The following FAAH2 variants were observed in gnomAD, a reference collection of about 807,000 sequenced individuals.
The protein encoded by FAAH2 is fatty acid amide hydrolase 2, also known as fatty-acid amide hydrolase 2.
In FAAH2, 60 loss-of-function variants were observed where a neutral mutation model predicts 36.9. The observed-to-expected ratio is 1.63, with a 90% CI of 1.32 to 2.02. The LOEUF (loss-of-function observed/expected upper bound fraction) is 2.02, where lower values mean the gene tolerates loss of function less well. Ranked by LOEUF, FAAH2 falls within the 30% of genes most tolerant of loss-of-function variation. The pLI is 0.00. For missense variants in FAAH2, 689 were observed against 397.5 expected, an observed-to-expected ratio of 1.73 and a Z score of -6.23; for synonymous variants, 214 against 143.8, an observed-to-expected ratio of 1.49 and a Z score of -3.49.
intron 10 of FAAH2, among the ~76,000 whole-genome samples, chrX:57,483,217 T>G (rs933530830): frequency 4.5e-5 from 5 of 111,626 alleles, no homozygotes; most frequent in Middle Eastern, 4.7e-3. Flanking sequence ...TTAAAATTAT[T>G]TTTTTCTTTA....
At chrX:57,319,185 A>T (rs949177128) in intron 3 of FAAH2, among the ~76,000 whole-genome samples, 9 of 111,809 alleles carry the variant, frequency 8.0e-5, no homozygotes, top group Non-Finnish European at 1.7e-4. Flanking sequence ...ATCAGGCAAG[A>T]GAAAGAAATA....
intron 8 of FAAH2, among the ~76,000 whole-genome samples, chrX:57,438,808 G>T (rs1403680918): frequency 2.1e-5 from 2 of 95,420 alleles, no homozygotes; most frequent in African/African-American, 7.7e-5. Context: ...GTGTCCATGT[G>T]TTCTCATTGT....
At chrX:57,223,594 C>T in the FAAH2 span, among the ~76,000 whole-genome samples, 15 of 111,189 alleles carry the variant, frequency 1.3e-4, no homozygotes, top group Non-Finnish European at 2.8e-4. Context: ...TCCTTCCAGC[C>T]ACCTTTTCCT....
In FAAH2 at chrX:57,286,852, T is replaced by C; in HGVS notation, c.27T>C (p.Ile9=). ...TGGCACCTTCATTTACCGCCCGCAT[T>C]CAGTTGTTCCTCTTGCGGGCGCTAG... MAPSFTAR[I]QLFLLRALGF... is the part of the protein sequence containing the mutation. Residue 9 remains isoleucine (I), a synonymous_variant, in exon 1 of 11, where the codon ATT becomes ATC. Transcript: ENST00000374900. The C allele has an allele frequency of 1.7e-6, 2 of 1,189,139 alleles. No individual in the cohort carries two copies. The highest frequency in any genetic ancestry group is 4.5e-5 in the Admixed American group (2 of 44,249).
At chrX:57,412,972 C>T (rs1233092628) in intron 7 of FAAH2, among the ~76,000 whole-genome samples, 1 of 112,281 alleles carries the variant, frequency 8.9e-6, no homozygotes, top group Non-Finnish European at 1.9e-5. Context: ...CTGTAATGAC[C>T]AGTAATGACG....
At chrX:57,216,180 A>G in the FAAH2 span, among the ~76,000 whole-genome samples, 1 of 106,563 alleles carries the variant, frequency 9.4e-6, no homozygotes, top group South Asian at 4.2e-4. Flanking sequence ...TACATGAGTA[A>G]GTCATTTAGT....
At chrX:57,321,709 A>T (rs2053031339) in intron 3 of FAAH2, among the ~76,000 whole-genome samples, 2 of 109,861 alleles carry the variant, frequency 1.8e-5, no homozygotes, top group Non-Finnish European at 3.8e-5. Flanking sequence ...CTGGCTTGCC[A>T]CTCTGTGCCT....
At chrX:57,225,587 G>A in the FAAH2 span, among the ~76,000 whole-genome samples, 1 of 111,635 alleles carries the variant, frequency 9.0e-6, no homozygotes, top group Non-Finnish European at 1.9e-5. Flanking sequence ...GAAGTTCCAT[G>A]CACTGTTGAA....
At chrX:57,328,999 T>TC (rs1382182945) in intron 3 of FAAH2, among the ~76,000 whole-genome samples, 2 of 111,584 alleles carry the variant, frequency 1.8e-5, no homozygotes, top group Admixed American at 1.9e-4. Flanking sequence ...AATACTTCAA[T>TC]GGGTAAGTGC....
At chrX:57,339,662 C>A (rs1485395098) in intron 4 of FAAH2, among the ~76,000 whole-genome samples, 1 of 112,390 alleles carries the variant, frequency 8.9e-6, no homozygotes, top group African/African-American at 3.2e-5. Flanking sequence ...CTCAACATCA[C>A]TGATCATTAG....
At chrX:57,160,965 T>C in the FAAH2 span, among the ~76,000 whole-genome samples, 1 of 112,350 alleles carries the variant, frequency 8.9e-6, no homozygotes, top group Non-Finnish European at 1.9e-5. Context: ...GTGTCAATTT[T>C]AGATCTTTCC....
chrX:57,394,419 C>T, intron 7 of FAAH2: 1 of 1,194,012 alleles, frequency 8.4e-7, no homozygotes, highest in Middle Eastern at 3.0e-4. Context: ...TCTACCTCTT[C>T]AGACAGCAGA....
the FAAH2 span, among the ~76,000 whole-genome samples, chrX:57,280,221 C>A: frequency 9.3e-6 from 1 of 107,945 alleles, no homozygotes; most frequent in Non-Finnish European, 1.9e-5. Flanking sequence ...CTAAGCAGAT[C>A]TTTTTTTTTC....
In FAAH2 at chrX:57,462,877, A is replaced by G. The variant is rs562235541; in HGVS notation, c.1423+14159A>G. 2.0e-4 allele frequency among the ~76,000 whole-genome samples: 22 copies of G among 112,093 alleles called. No homozygotes were observed. In the South Asian group the frequency reaches 8.2e-3, roughly 42 times the overall value. On this transcript the variant is annotated intron_variant, in intron 10 of 10. Transcript: ENST00000374900. The stretch of plus-strand genomic sequence containing the variant: ...AGAGAGGAAGTCAAATTGTCTCTGT[A>G]TGCAGATGACATGATTGTATATTTA...
the FAAH2 span, among the ~76,000 whole-genome samples, chrX:57,193,008 G>A: frequency 8.9e-6 from 1 of 112,256 alleles, no homozygotes; most frequent in South Asian, 3.7e-4. Context: ...TGGGCACCTT[G>A]AAGAAAGAAC....
At chrX:57,482,612 G>T (rs1259714754) in intron 10 of FAAH2, among the ~76,000 whole-genome samples, 2 of 108,509 alleles carry the variant, frequency 1.8e-5, no homozygotes, top group Admixed American at 1.0e-4. Flanking sequence ...GGGTACCTCA[G>T]TTGAAAATTC....
At chrX:57,470,686 C>G (rs1307541282) in intron 10 of FAAH2, among the ~76,000 whole-genome samples, 1 of 111,406 alleles carries the variant, frequency 9.0e-6, no homozygotes, top group Non-Finnish European at 1.9e-5. Context: ...GAGCTGGTAC[C>G]ATTACTTCTG....
intron 8 of FAAH2, among the ~76,000 whole-genome samples, chrX:57,434,675 T>C (rs865813037): frequency 1.6e-4 from 18 of 110,832 alleles, no homozygotes; most frequent in African/African-American, 5.6e-4. Context: ...TTGGTATTAC[T>C]GAGGTAGAAA....
intron 10 of FAAH2, among the ~76,000 whole-genome samples, chrX:57,468,490 G>C (rs2057093894): frequency 9.0e-6 from 1 of 111,620 alleles, no homozygotes; most frequent in Non-Finnish European, 1.9e-5. Context: ...CGGAAGAAAG[G>C]GTATCAGTGA....
Sources: gnomAD v4.1 joint callset for allele counts (sites outside exome capture counted in the v4.1 genomes callset) on GRCh38, gnomAD v4.1.1 for gene constraint, MANE v1.5 for transcripts, NCBI Gene and HGNC (gene_info 2026-07-23, HGNC 2026-07-21) for gene names.